PCDHGB3: variants seen among roughly 807,000 people sequenced by gnomAD.
PCDHGB3 encodes the protein protocadherin gamma subfamily B, 3, also known as protocadherin gamma-B3.
A neutral mutation model predicts 59.2 loss-of-function variants in PCDHGB3; 40 were observed. That is an observed-to-expected ratio of 0.68 (90% CI 0.52 to 0.88). The LOEUF is 0.88. PCDHGB3 is among the 40% of genes least tolerant of loss of function. PCDHGB3 has a pLI of 0.00. For missense variants in PCDHGB3, 1,309 were observed against 1,187.9 expected, an observed-to-expected ratio of 1.10 and a Z score of -1.50; for synonymous variants, 581 against 503.6, an observed-to-expected ratio of 1.15 and a Z score of -2.06.
intron 1 of PCDHGB3, among the ~76,000 whole-genome samples, chr5:141,469,392 T>C (rs2099199760): frequency 6.6e-6 from 1 of 152,046 alleles, no homozygotes; most frequent in South Asian, 2.1e-4. Flanking sequence ...CTGGCCAACA[T>C]GGTGAAACCC....
chr5:141,427,883 C>G (rs2097084423), intron 1 of PCDHGB3: 3 of 1,563,818 alleles, frequency 1.9e-6, no homozygotes, highest in Non-Finnish European at 1.7e-6. Flanking sequence ...TGCAGGCCCA[C>G]GACCAGGGCT....
intron 1 of PCDHGB3, chr5:141,478,160 GC>G (rs764598056): frequency 1.9e-6 from 3 of 1,613,964 alleles, no homozygotes; most frequent in Non-Finnish European, 2.5e-6. Flanking sequence ...CTCTGGCTCT[GC>G]CCCCCGGGAG....
intron 1 of PCDHGB3, among the ~76,000 whole-genome samples, chr5:141,460,646 C>T (rs1001365023): frequency 2.0e-5 from 3 of 151,954 alleles, no homozygotes; most frequent in African/African-American, 7.3e-5. Context: ...ACTGTGTTTA[C>T]ACATATGTAA....
chr5:141,375,275 G>C, intron 1 of PCDHGB3: 3 of 1,613,902 alleles, frequency 1.9e-6, no homozygotes, highest in Non-Finnish European at 1.7e-6. Context: ...GGAAAAATCA[G>C]TTGGCAATTA....
chr5:141,413,570 A>G, intron 1 of PCDHGB3: 1 of 1,613,930 alleles, frequency 6.2e-7, no homozygotes, highest in Non-Finnish European at 8.5e-7. Context: ...GATATCAATG[A>G]CAATGCTCCA....
chr5:141,398,888 A>G (rs2093720509), intron 1 of PCDHGB3: 2 of 1,613,968 alleles, frequency 1.2e-6, no homozygotes, highest in East Asian at 4.5e-5. Context: ...CTTCGGGAAA[A>G]CGTGCCACCA....
chr5:141,509,298 C>A (rs974744333), intron 3 of PCDHGB3, among the ~76,000 whole-genome samples: 1 of 152,180 alleles, frequency 6.6e-6, no homozygotes, highest in Non-Finnish European at 1.5e-5. Flanking sequence ...AGGGTGGAGG[C>A]AGAGGGAGGC....
intron 1 of PCDHGB3, among the ~76,000 whole-genome samples, chr5:141,443,696 T>C (rs1293017505): frequency 6.6e-6 from 1 of 152,308 alleles, no homozygotes; most frequent in Admixed American, 6.5e-5. Context: ...TCAAAAATTA[T>C]AGAATAACAT....
In PCDHGB3 at chr5:141,487,198, T is replaced by C; in HGVS notation, c.2416-7609T>C. ...AAGACACTCATCCAGTTGTCCCAGA[T>C]CTTCGAGAATCTTCAGCTCCAAGGG... On this transcript the variant is annotated intron_variant, in intron 1 of 3. Transcript: ENST00000576222. The surrounding 1 kb of genome is among the most constrained non-coding windows in gnomAD (Gnocchi z 5.0). The C allele has an allele frequency of 6.2e-7, 1 of 1,613,854 alleles. No homozygotes were observed.
At chr5:141,428,058 G>A (rs752468507) in intron 1 of PCDHGB3, 4 of 1,609,140 alleles carry the variant, frequency 2.5e-6, no homozygotes, top group South Asian at 1.1e-5. Flanking sequence ...GGTGGTGGCG[G>A]TGGACGCAGA....
intron 1 of PCDHGB3, chr5:141,413,527 G>A (rs768496934): frequency 1.2e-6 from 2 of 1,613,938 alleles, no homozygotes; most frequent in Non-Finnish European, 1.7e-6. Flanking sequence ...GGAAGACAGG[G>A]TGAAACTTTT....
intron 1 of PCDHGB3, among the ~76,000 whole-genome samples, chr5:141,387,541 T>C (rs1198504274): frequency 6.6e-6 from 1 of 152,252 alleles, no homozygotes; most frequent in Non-Finnish European, 1.5e-5. Flanking sequence ...CACGTAGTTT[T>C]TGTTCTTTCA....
intron 1 of PCDHGB3, chr5:141,421,414 C>G: frequency 6.2e-7 from 1 of 1,614,066 alleles, no homozygotes; most frequent in Non-Finnish European, 8.5e-7. Flanking sequence ...GCTGGCGAAG[C>G]GCGGAGTCCG....
chr5:141,457,899 C>CA (rs2098931976), intron 1 of PCDHGB3, among the ~76,000 whole-genome samples: 1 of 148,818 alleles, frequency 6.7e-6, no homozygotes, highest in Admixed American at 6.7e-5. Context: ...ACTGTGTAGA[C>CA]AAGGTGTGAG....
chr5:141,462,051 G>A (rs1370612703), intron 1 of PCDHGB3, among the ~76,000 whole-genome samples: 2 of 152,068 alleles, frequency 1.3e-5, no homozygotes, highest in African/African-American at 4.8e-5. Context: ...TTGAACTCCC[G>A]ACCTCAGGTG....
Position 141,431,711 on chromosome 5 carries a change from G to T in PCDHGB3, c.2415+58902G>T. On this transcript the variant is annotated intron_variant, in intron 1 of 3. Coordinates refer to ENST00000576222, the MANE Select transcript of PCDHGB3 (RefSeq NM_018924.5). This position sits in a 1 kb window ranked among gnomAD's most constrained non-coding sequence, Gnocchi z 4.8. ...CGAGGAGTCAGGATTCTACCAGATG[G>T]AAGTGCAAGCAATGGATAATGCAGG... 1 of 1,614,230 alleles carries T rather than the reference G, an allele frequency of 6.2e-7. No homozygotes were observed. The highest frequency in any genetic ancestry group is 1.1e-5 in the South Asian group (1 of 91,092).
chr5:141,422,877 C>A, intron 1 of PCDHGB3: 1 of 1,614,246 alleles, frequency 6.2e-7, no homozygotes. Context: ...TGTCGCTGAG[C>A]CTGTTCGTGC....
In PCDHGB3 at chr5:141,491,841, A is replaced by T. The variant is rs995010359; in HGVS notation, c.2416-2966A>T. The T allele has an allele frequency of 1.4e-6, 2 of 1,465,172 alleles. No homozygotes were observed. The highest frequency in any genetic ancestry group is 1.4e-5 in the African/African-American group (1 of 69,948). 90.8% of individuals were successfully genotyped at this position (1,465,172 alleles called of 1,614,324 possible). ...TGCGCTCCACCCGATTCTCGGGATC[A>T]TTGGACCGTTTGCGCGAAACCAGAG... is the stretch of plus-strand genomic sequence containing the variant. On this transcript the variant is annotated intron_variant, in intron 1 of 3. Transcript: ENST00000576222. The surrounding 1 kb of genome is among the most constrained non-coding windows in gnomAD (Gnocchi z 6.9).
At chr5:141,406,332 G>A (rs957923011) in intron 1 of PCDHGB3, among the ~76,000 whole-genome samples, 4 of 152,142 alleles carry the variant, frequency 2.6e-5, no homozygotes, top group East Asian at 1.9e-4. Context: ...TTACTCCTAC[G>A]ATCATTTATT....
Sources: gnomAD v4.1 joint callset for allele counts (sites outside exome capture counted in the v4.1 genomes callset) on GRCh38, gnomAD v4.1.1 for gene constraint, Gnocchi (gnomAD v3.1) non-coding constraint, MANE v1.5 for transcripts, NCBI Gene and HGNC (gene_info 2026-07-23, HGNC 2026-07-21) for gene names.